Variants in SLC9A5 observed in about 807,000 individuals in gnomAD.
The protein encoded by SLC9A5 is sodium/hydrogen exchanger 5.
SLC9A5 carries 52 observed loss-of-function variants against 91.7 expected under a neutral mutation model. That is an observed-to-expected ratio of 0.57 (90% CI 0.45 to 0.71). The LOEUF is 0.71. SLC9A5 is among the 30% of genes least tolerant of loss of function. The pLI, the probability that SLC9A5 is intolerant of heterozygous loss-of-function variation, is 0.00. For missense variants in SLC9A5, 871 were observed against 1,158.9 expected (o/e 0.75, Z 3.61); for synonymous variants, 419 against 474.5 (o/e 0.88, Z 1.52).
In SLC9A5 at chr16:67,255,647, TG is replaced by T; in HGVS notation, c.734-103del. 1 of 1,368,780 alleles carries T rather than the reference TG, an allele frequency of 7.3e-7. No homozygotes were observed. The highest frequency in any genetic ancestry group is 1.0e-6 in the Non-Finnish European group (1 of 991,412). 84.8% of individuals were successfully genotyped at this position (1,368,780 alleles called of 1,614,324 possible). On this transcript the variant is annotated intron_variant, in intron 4 of 15. Transcript: ENST00000299798. This position sits in a 1 kb window ranked among gnomAD's most constrained non-coding sequence, Gnocchi z 4.9. ...TCCTGGCTCTGGGGTTTTGAGCCCC[TG>T]GGAGTGCGGTGGGCATCATCCCTCA... is the stretch of plus-strand genomic sequence containing the variant.
Position 67,256,828 on chromosome 16 carries a change from C to G in SLC9A5, c.1133-83C>G. 1 of 1,465,954 alleles carries G rather than the reference C, an allele frequency of 6.8e-7. No individual in the cohort carries two copies. Among genetic ancestry groups the G allele is most frequent in the Non-Finnish European group, 9.5e-7 (1 of 1,055,396 alleles). The allele number at this position is 1,465,954 out of a possible 1,614,324, so 90.8% of individuals were successfully genotyped here. A position where few individuals can be genotyped will look rare whatever the true frequency, so the allele number is the denominator to read the frequency against. ...TCACCTGTCCCAGCCCCTGTTAGAC[C>G]TCAGCCCAGATACTTGGTCCCATCC... is the stretch of plus-strand genomic sequence containing the variant. On this transcript the variant is annotated intron_variant, in intron 6 of 15. Coordinates refer to ENST00000299798, the MANE Select transcript of SLC9A5 (RefSeq NM_004594.3). This position sits in a 1 kb window ranked among gnomAD's most constrained non-coding sequence, Gnocchi z 4.1.
At chr16:67,264,908 A>G in intron 13 of SLC9A5, 132 bp from the exon 14 acceptor site, 1 of 877,326 alleles carries the variant, frequency 1.1e-6, no homozygotes, top group Non-Finnish European at 1.8e-6. Flanking sequence ...AAGGGATGGT[A>G]GAACCACTGG....
chr16:67,265,619 C>T lies in SLC9A5; in HGVS notation c.2081-469C>T, dbSNP rs111366935. 5.7e-3 allele frequency among the ~76,000 whole-genome samples: 864 copies of T among 152,186 alleles called. 12 individuals carry two copies. The highest frequency in any genetic ancestry group is 0.02 in the African/African-American group (815 of 41,512). On this transcript the variant is annotated intron_variant, in intron 14 of 15. Coordinates refer to ENST00000299798, the MANE Select transcript of SLC9A5 (RefSeq NM_004594.3). The stretch of plus-strand genomic sequence containing the variant: ...TGTATTTTTGGTAGAGACAGGGTTT[C>T]GCATTGTTGGCCTGGCTGGTCTTGA...
intron 12 of SLC9A5, 133 bp downstream of exon 12, chr16:67,260,079 T>C (rs1368308328): frequency 1.5e-4 from 188 of 1,266,778 alleles, no homozygotes; most frequent in Non-Finnish European, 1.9e-4. Flanking sequence ...CCGGGTGCGA[T>C]GGCTCATGCC....
chr16:67,260,354 C>CAAAAAAAAAGAAAAAAAAAAAAAAAA (rs2035488776), intron 12 of SLC9A5, among the ~76,000 whole-genome samples: 1 of 33,466 alleles, frequency 3.0e-5, no homozygotes, highest in African/African-American at 1.9e-4. Context: ...GACTCCATCT[C>CAAAAAAAAAGAAAAAAAAAAAAAAAA]AAAAAAAAAA....
chr16:67,249,308 G>A (rs1048142916), intron 1 of SLC9A5, 107 bp downstream of exon 1: 61 of 901,010 alleles, frequency 6.8e-5, no homozygotes, highest in Non-Finnish European at 9.1e-5. Flanking sequence ...GCACGGTGCT[G>A]GGACTTAGGT....
intron 15 of SLC9A5, among the ~76,000 whole-genome samples, chr16:67,267,520 C>A (rs1386044240): frequency 6.6e-6 from 1 of 152,120 alleles, no homozygotes; most frequent in Non-Finnish European, 1.5e-5. Flanking sequence ...ACCGTGCCCA[C>A]CCACACCCTT....
intron 12 of SLC9A5, chr16:67,262,110 T>G: frequency 2.9e-6 from 1 of 350,186 alleles, no homozygotes. Flanking sequence ...TTGGTTCCCA[T>G]GTCTGCCACC....
At position 67,257,459 on chromosome 16, in the gene SLC9A5, G is replaced by A. The variant is rs766884548; in HGVS notation, c.1425+25G>A. 21 of 1,613,258 alleles carry A rather than the reference G, an allele frequency of 1.3e-5. No homozygotes were observed. The highest frequency in any genetic ancestry group is 3.3e-4 in the Middle Eastern group (2 of 6,082). On this transcript the variant is annotated intron_variant, in intron 8 of 15. Transcript: ENST00000299798. The surrounding 1 kb of genome is among the most constrained non-coding windows in gnomAD (Gnocchi z 5.1). Reference sequence around the variant, plus strand: ...CGTGGGTATCAGAACCCCAGCCCTCGCCTGTCCCTCTCGACCTTCTCCTAT... The same window carrying A: ...CGTGGGTATCAGAACCCCAGCCCTCACCTGTCCCTCTCGACCTTCTCCTAT...
At chr16:67,251,229 G>C (rs76499867) in intron 1 of SLC9A5, among the ~76,000 whole-genome samples, 3 of 152,130 alleles carry the variant, frequency 2.0e-5, no homozygotes, top group African/African-American at 7.2e-5. Context: ...TAAAAACTAC[G>C]CAGTCCTGAG....
intron 15 of SLC9A5, among the ~76,000 whole-genome samples, chr16:67,267,994 C>T (rs986640027): frequency 3.9e-5 from 6 of 152,082 alleles, no homozygotes; most frequent in Non-Finnish European, 7.4e-5. Flanking sequence ...TACTTCAGTA[C>T]ATGTCTCTAA....
rs777214458 is a variant in SLC9A5 at position 67,257,617 on chromosome 16, C to T, written c.1496+16C>T. 1.8e-5 allele frequency: 29 copies of T among 1,613,246 alleles called. No homozygotes were observed. The highest frequency in any genetic ancestry group is 1.6e-4 in the Middle Eastern group (1 of 6,082). ...GGAGGGACAGGTGAGGGAGCTGCCCCGAGGCTCCTTCAGCAGCAGCAGCCC... is the reference window on the plus strand; with the variant it reads ...GGAGGGACAGGTGAGGGAGCTGCCCTGAGGCTCCTTCAGCAGCAGCAGCCC... On this transcript the variant is annotated intron_variant, in intron 9 of 15. Coordinates refer to ENST00000299798, the MANE Select transcript of SLC9A5 (RefSeq NM_004594.3). This position sits in a 1 kb window ranked among gnomAD's most constrained non-coding sequence, Gnocchi z 5.1.
chr16:67,259,571 A>G lies in SLC9A5; in HGVS notation c.1627-2A>G, dbSNP rs750040690. On this transcript the variant is annotated splice_acceptor_variant, in intron 10 of 15. Transcript: ENST00000299798. LOFTEE classifies it high-confidence loss of function. ...GGCTGACCTTGGTCTTGACACCTGC[A>G]GGGAGGCCACGTCTTGTCTTCCACA... The G allele has an allele frequency of 6.2e-7, 1 of 1,613,618 alleles. No individual in the cohort carries two copies. The highest frequency in any genetic ancestry group is 8.5e-7 in the Non-Finnish European group (1 of 1,179,580).
chr16:67,259,408 C>T (rs1456440540), intron 10 of SLC9A5, among the ~76,000 whole-genome samples, 165 bp from the exon 11 acceptor site: 1 of 150,240 alleles, frequency 6.7e-6, no homozygotes, highest in Non-Finnish European at 1.5e-5. Context: ...ATACAAGTAC[C>T]TATGTTATAG....
intron 12 of SLC9A5, 124 bp from the exon 13 acceptor site, chr16:67,264,213 TTTGTTTTTCAATCCA>T: frequency 1.4e-6 from 1 of 704,892 alleles, no homozygotes; most frequent in East Asian, 2.7e-5. Context: ...TATTTTTTGT[TTTGTTTTTCAATCCA>T]TTGTTAATTC....
rs781279197 is a variant in SLC9A5, at chr16:67,271,660, G to A, written c.*450G>A. On this transcript the variant is annotated 3_prime_UTR_variant, in exon 16 of 16. Transcript: ENST00000299798. ...TGGTGTCCTGGCAGTGAGGCTCCGT[G>A]AGGGGCTGGCCCTTAGAGGAACTGG... 28 of 172,984 alleles carry A rather than the reference G, an allele frequency of 1.6e-4. 1 individual carries two copies. The highest frequency in any genetic ancestry group is 4.3e-4 in the South Asian group (3 of 6,904). The allele number at this position is 172,984 out of a possible 1,614,324, so 10.7% of individuals were successfully genotyped here. A position where few individuals can be genotyped will look rare whatever the true frequency, so the allele number is the denominator to read the frequency against.
At chr16:67,249,314 T>C (rs1373412632) in intron 1 of SLC9A5, 113 bp downstream of exon 1, 1 of 827,880 alleles carries the variant, frequency 1.2e-6, no homozygotes, top group African/African-American at 1.8e-5. Flanking sequence ...TGCTGGGACT[T>C]AGGTTTGGAT....
At chr16:67,267,732 G>C (rs1204019805) in intron 15 of SLC9A5, among the ~76,000 whole-genome samples, 4 of 152,160 alleles carry the variant, frequency 2.6e-5, no homozygotes, top group African/African-American at 9.7e-5. Context: ...TATGTATAGA[G>C]ACCTAATTCA....
chr16:67,271,424 T>C lies in SLC9A5; in HGVS notation c.*214T>C. 1 of 591,404 alleles carries C rather than the reference T, an allele frequency of 1.7e-6. No homozygotes were observed. The allele number at this position is 591,404 out of a possible 1,614,324, so 36.6% of individuals were successfully genotyped here. A position where few individuals can be genotyped will look rare whatever the true frequency, so the allele number is the denominator to read the frequency against. ...TGCTCCTAACCCCTGCCACTTTCTG[T>C]TTCATTAAGGCCTCTACTCTGGCTC... On this transcript the variant is annotated 3_prime_UTR_variant, in exon 16 of 16. Transcript: ENST00000299798.
Sources: allele counts gnomAD v4.1 joint callset (sites outside exome capture counted in the v4.1 genomes callset), GRCh38; gene constraint gnomAD v4.1.1; non-coding constraint Gnocchi (gnomAD v3.1); transcripts MANE v1.5; gene names NCBI Gene and HGNC (gene_info 2026-07-23, HGNC 2026-07-21).